The following ADGRV1 variants were observed in gnomAD, a reference collection of about 807,000 sequenced individuals.
The protein encoded by ADGRV1 is G-protein coupled receptor 98.
Under a neutral mutation model 596.2 loss-of-function variants are expected in ADGRV1, and 359 were observed. The ratio of observed to expected loss-of-function variants is 0.60; its 90% CI spans 0.55 to 0.66. ADGRV1 has a LOEUF of 0.66. ADGRV1 is among the 30% of genes least tolerant of loss of function. The probability of loss-of-function intolerance (pLI) is 0.00; values close to 1 mark genes in which losing one functional copy is unlikely to be tolerated. For synonymous variants in ADGRV1, 2,681 were observed against 2,679.2 expected, an observed-to-expected ratio of 1.00 and a Z score of -0.02; for missense variants, 7,274 against 7,575.6, an observed-to-expected ratio of 0.96 and a Z score of 1.48.
chr5:90,801,060 A>G lies in ADGRV1; in HGVS notation c.14518-1679A>G, dbSNP rs557609376. On this transcript the variant is annotated intron_variant, in intron 70 of 89. Coordinates refer to ENST00000405460, the MANE Select transcript of ADGRV1 (RefSeq NM_032119.4). Reference sequence around the variant, plus strand: ...ATTCTGCACATGCACCCTAGAACTTAAAATATAATAATAATAAAAATAAAG... The same window carrying G: ...ATTCTGCACATGCACCCTAGAACTTGAAATATAATAATAATAAAAATAAAG... Among the ~76,000 whole-genome samples the G allele has an allele frequency of 9.8e-5, 15 of 152,300 alleles. No individual in the cohort carries two copies. The East Asian group carries it at 1.7e-3, about 18-fold the overall frequency.
intron 58 of ADGRV1, among the ~76,000 whole-genome samples, chr5:90,761,931 C>T (rs1029527744): frequency 3.3e-5 from 5 of 152,120 alleles, no homozygotes; most frequent in Admixed American, 1.3e-4. Context: ...TATCTTTTAA[C>T]CTTAATAAGA....
intron 71 of ADGRV1, 129 bp downstream of exon 71, chr5:90,803,011 T>C (rs1761540724): frequency 4.7e-6 from 3 of 636,226 alleles, no homozygotes; most frequent in Non-Finnish European, 7.3e-6. Context: ...ACTCTGTGAA[T>C]ATCAAAGTAG....
intron 85 of ADGRV1, among the ~76,000 whole-genome samples, chr5:91,011,115 G>T (rs1265627629): frequency 6.6e-6 from 1 of 151,872 alleles, no homozygotes; most frequent in Non-Finnish European, 1.5e-5. Context: ...TTTACTTTCT[G>T]CTTTAGATTT....
intron 85 of ADGRV1, among the ~76,000 whole-genome samples, chr5:91,049,539 C>T (rs1049529968): frequency 6.6e-6 from 1 of 152,174 alleles, no homozygotes; most frequent in Non-Finnish European, 1.5e-5. Flanking sequence ...ACGAATTTTA[C>T]ACTAAATGGC....
At chr5:90,946,631 C>G (rs1221374338) in intron 83 of ADGRV1, among the ~76,000 whole-genome samples, 1 of 151,994 alleles carries the variant, frequency 6.6e-6, no homozygotes, top group African/African-American at 2.4e-5. Flanking sequence ...CCACACACAA[C>G]AGGCCCCAGT....
At chr5:91,120,896 A>G (rs974764993) in intron 87 of ADGRV1, among the ~76,000 whole-genome samples, 1 of 152,166 alleles carries the variant, frequency 6.6e-6, no homozygotes, top group African/African-American at 2.4e-5. Flanking sequence ...GAATGGGGCC[A>G]GGCACTATGG....
At chr5:91,089,462 C>T (rs1361461317) in intron 86 of ADGRV1, among the ~76,000 whole-genome samples, 1 of 151,940 alleles carries the variant, frequency 6.6e-6, no homozygotes, top group African/African-American at 2.4e-5. Context: ...ATTTGTATTA[C>T]AGTTTTGTGT....
At chr5:90,679,713 A>G in intron 26 of ADGRV1, 84 bp downstream of exon 26, 1 of 833,188 alleles carries the variant, frequency 1.2e-6, no homozygotes, top group Non-Finnish European at 2.0e-6. Flanking sequence ...CCACTTATTG[A>G]CACCTACTAT....
Position 90,685,873 on chromosome 5 carries a change from C to T in ADGRV1, c.6368C>T (p.Ser2123Leu). 3.1e-6 allele frequency: 5 copies of T among 1,612,066 alleles called. No homozygotes were observed. The highest frequency in any genetic ancestry group is 4.2e-6 in the Non-Finnish European group (5 of 1,178,666). Residue 2123 changes from serine (S) to leucine (L), a missense_variant, in exon 29 of 90, where the codon TCA becomes TTA. This residue lies in a region of ADGRV1 where 3,643 missense variants were observed against 3,809.2 expected (regional missense o/e 0.96). Coordinates refer to ENST00000405460, the MANE Select transcript of ADGRV1 (RefSeq NM_032119.4). ...GATGCATTTGGAACTCTTCAGCTCT[C>T]AGCACCAATTGTCCGAGTGGCAGAA... ...NDDAFGTLQLSAPIVRVAENH... is the reference protein window; with the variant it reads ...NDDAFGTLQLLAPIVRVAENH...
At chr5:90,721,576 T>TAAAAATAAAAAAAAAATAAAATATAAA (rs1554094707) in intron 45 of ADGRV1, among the ~76,000 whole-genome samples, 1 of 119,914 alleles carries the variant, frequency 8.3e-6, no homozygotes, top group African/African-American at 3.3e-5. Context: ...TAAAATAAAA[T>TAAAAATAAAAAAAAAATAAAATATAAA]AAAATAAAAT....
intron 87 of ADGRV1, among the ~76,000 whole-genome samples, chr5:91,118,332 G>A (rs568156039): frequency 9.9e-5 from 15 of 151,766 alleles, no homozygotes; most frequent in Non-Finnish European, 2.2e-4. Context: ...TTTGTGCCAC[G>A]CTATTATGGG....
intron 87 of ADGRV1, among the ~76,000 whole-genome samples, chr5:91,128,679 A>G (rs1793964176): frequency 6.6e-6 from 1 of 152,196 alleles, no homozygotes; most frequent in African/African-American, 2.4e-5. Context: ...AAATAGTAAT[A>G]GCATGGGTGG....
rs754164679 is a variant in ADGRV1, at chr5:90,848,650, G to C, written c.17033G>C (p.Gly5678Ala). The C allele has an allele frequency of 1.7e-5, 26 of 1,506,718 alleles. No homozygotes were observed. In the East Asian group the frequency reaches 6.4e-4, roughly 37 times the overall value. The allele number at this position is 1,506,718 out of a possible 1,614,324, so 93.3% of individuals were successfully genotyped here. The change falls in exon 79 of 90, where the codon GGA becomes GCA. Residue 5678 changes from glycine to alanine, a missense_variant. This residue lies in a region of ADGRV1 where 1,874 missense variants were observed against 1,970.2 expected (regional missense o/e 0.95). Coordinates refer to ENST00000405460, the MANE Select transcript of ADGRV1 (RefSeq NM_032119.4). Reference sequence around the variant, plus strand: ...TTCTTTTTCCAGATAACTACTGAAGGAAAAATTCAAGCTTTCAGTGTTGCC... The same window carrying C: ...TTCTTTTTCCAGATAACTACTGAAGCAAAAATTCAAGCTTTCAGTGTTGCC... ...MHLIEKITTEGKIQAFSVASR... is the reference protein window; with the variant it reads ...MHLIEKITTEAKIQAFSVASR...
intron 83 of ADGRV1, among the ~76,000 whole-genome samples, chr5:90,950,010 A>G (rs913769912): frequency 6.6e-6 from 1 of 152,178 alleles, no homozygotes; most frequent in South Asian, 2.1e-4. Context: ...CATGATCCCT[A>G]TCAGCATCTT....
intron 85 of ADGRV1, among the ~76,000 whole-genome samples, chr5:91,021,526 A>G (rs1408016964): frequency 6.6e-6 from 1 of 152,114 alleles, no homozygotes; most frequent in Non-Finnish European, 1.5e-5. Flanking sequence ...TAAAAGAATA[A>G]GAGACCTAAT....
Position 90,657,914 on chromosome 5 carries a change from T to C in ADGRV1, c.4388T>C (p.Ile1463Thr). ...KGEAITDGPGILRIGAGINGN... is the reference protein window; with the variant it reads ...KGEAITDGPGTLRIGAGINGN... ...TTGTCTCTAATTTCAGGTCCTGGGA[T>C]ACTGAGAATTGGAGCAGGGATAAAT... Residue 1463 changes from isoleucine to threonine, a missense_variant, in exon 21 of 90, where the codon ATA (isoleucine) becomes ACA (threonine). Coordinates refer to ENST00000405460, the MANE Select transcript of ADGRV1 (RefSeq NM_032119.4). 6.2e-7 allele frequency: 1 copy of C among 1,606,722 alleles called. No homozygotes were observed. The highest frequency in any genetic ancestry group is 8.5e-7 in the Non-Finnish European group (1 of 1,174,632).
chr5:90,967,885 A>G (rs1778615514), intron 84 of ADGRV1, among the ~76,000 whole-genome samples: 2 of 152,252 alleles, frequency 1.3e-5, no homozygotes, highest in Non-Finnish European at 2.9e-5. Context: ...TGTAACTACA[A>G]AAACAACACA....
chr5:91,153,306 C>T lies in ADGRV1; in HGVS notation c.18710C>T (p.Thr6237Met), dbSNP rs376428763. The T allele has an allele frequency of 3.8e-5, 61 of 1,611,606 alleles. No individual in the cohort carries two copies. The highest frequency in any genetic ancestry group is 2.8e-4 in the Admixed American group (17 of 59,724). ...DLKPSPQNGATFPSSGGYGQG... is the reference protein window; with the variant it reads ...DLKPSPQNGAMFPSSGGYGQG... ...AAGCCAAGTCCACAAAATGGAGCCA[C>T]GTTCCCGTCCTCTGGAGGATATGGC... Residue 6237 changes from threonine (T) to methionine (M), a missense_variant, in exon 89 of 90, where the codon ACG (threonine) becomes ATG (methionine). Physicochemically the swap from Thr to Met is moderately conservative, Grantham distance 81. Transcript: ENST00000405460.
At position 90,807,697 on chromosome 5, in the gene ADGRV1, T is replaced by C. The variant is rs1427340487; in HGVS notation, c.14932T>C (p.Ser4978Pro). The C allele has an allele frequency of 2.7e-5, 43 of 1,609,292 alleles. No individual in the cohort carries two copies. Among genetic ancestry groups the C allele is most frequent in the Non-Finnish European group, 3.7e-5 (43 of 1,176,530 alleles). ...GWPEAFVLHLSGVQSSAPGGA... is the reference protein window; with the variant it reads ...GWPEAFVLHLPGVQSSAPGGA... ...GCCAGAGGCCTTTGTTCTTCACCTA[T>C]CAGGAGTGCAGAGCAGTGCTCCTGG... The change falls in exon 73 of 90, where the codon TCA becomes CCA. Residue 4978 changes from serine (S) to proline (P), a missense_variant. By Grantham distance (74) the Ser-to-Pro change is moderately conservative (BLOSUM62 -1). Transcript: ENST00000405460.
Sources: allele counts gnomAD v4.1 joint callset (sites outside exome capture counted in the v4.1 genomes callset), GRCh38; gene constraint gnomAD v4.1.1; regional missense constraint gnomAD v4.1.1; transcripts MANE v1.5; gene names NCBI Gene and HGNC (gene_info 2026-07-23, HGNC 2026-07-21).